The following B3GALT1 variants were observed in gnomAD, a reference collection of about 807,000 sequenced individuals.
B3GALT1 encodes beta-1,3-galactosyltransferase 1.
A neutral mutation model predicts 23.2 loss-of-function variants in B3GALT1; 10 were observed. That is an observed-to-expected ratio of 0.43 (90% CI 0.27 to 0.73). The LOEUF is 0.73. Among genes scored for constraint, B3GALT1 ranks in the 30% least tolerant of loss-of-function variants. B3GALT1 has a pLI of 0.21. For missense variants in B3GALT1, 299 were observed against 405.4 expected (o/e 0.74, Z 2.25); for synonymous variants, 156 against 141.5 (o/e 1.10, Z -0.73).
intron 3 of B3GALT1, among the ~76,000 whole-genome samples, chr2:167,796,647 G>A (rs1030910395): frequency 6.6e-6 from 1 of 151,458 alleles, no homozygotes; most frequent in Non-Finnish European, 1.5e-5. Context: ...TATTCGGGAG[G>A]CTGAGAGGCA....
intron 1 of B3GALT1, among the ~76,000 whole-genome samples, chr2:167,350,428 T>C (rs1032132831): frequency 5.3e-5 from 8 of 152,338 alleles, no homozygotes; most frequent in Admixed American, 1.3e-4. Context: ...AAAAATGGTT[T>C]ATATATCTGA....
chr2:167,370,971 A>G (rs1697675421), intron 1 of B3GALT1, among the ~76,000 whole-genome samples: 1 of 152,214 alleles, frequency 6.6e-6, no homozygotes, highest in Non-Finnish European at 1.5e-5. Flanking sequence ...GATCAATTGC[A>G]TGAAACAATA....
At chr2:167,417,062 A>G (rs540898653) in intron 1 of B3GALT1, among the ~76,000 whole-genome samples, 1 of 152,082 alleles carries the variant, frequency 6.6e-6, no homozygotes, top group Non-Finnish European at 1.5e-5. Context: ...TGGAATGAAT[A>G]TATTTATGTG....
intron 2 of B3GALT1, among the ~76,000 whole-genome samples, chr2:167,585,681 T>C (rs933140554): frequency 6.6e-6 from 1 of 152,200 alleles, no homozygotes; most frequent in African/African-American, 2.4e-5. Context: ...CTTCTAAATT[T>C]ATACCCAATA....
At chr2:167,422,911 T>TA (rs1428922640) in intron 1 of B3GALT1, among the ~76,000 whole-genome samples, 1 of 152,042 alleles carries the variant, frequency 6.6e-6, no homozygotes, top group African/African-American at 2.4e-5. Flanking sequence ...GAGGATATCA[T>TA]GGGGTGAACT....
intron 1 of B3GALT1, among the ~76,000 whole-genome samples, chr2:167,354,998 C>T (rs1400193966): frequency 6.6e-6 from 1 of 152,198 alleles, no homozygotes; most frequent in African/African-American, 2.4e-5. Context: ...TCTTCCTCTT[C>T]CTCAAATATC....
Position 167,459,439 on chromosome 2 carries a change from A to G in B3GALT1, c.-510-30738A>G, listed in dbSNP as rs142845901. Among the ~76,000 whole-genome samples, 111 of 152,302 alleles carry G rather than the reference A, an allele frequency of 7.3e-4. 1 individual carries two copies. The East Asian group carries it at 0.018, about 24-fold the overall frequency. The stretch of plus-strand genomic sequence containing the variant: ...CTTTTCCTGTTGTTGATGTCATAAA[A>G]TTACATCTTTGCATGTTTCCTGCCC... On this transcript the variant is annotated intron_variant, in intron 1 of 4. Coordinates refer to ENST00000392690, the MANE Select transcript of B3GALT1 (RefSeq NM_020981.4).
intron 1 of B3GALT1, among the ~76,000 whole-genome samples, chr2:167,319,665 A>G (rs901598989): frequency 3.9e-5 from 6 of 152,150 alleles, no homozygotes; most frequent in Admixed American, 6.5e-5. Flanking sequence ...ACTCAAAAGA[A>G]GAAACATTTT....
intron 3 of B3GALT1, among the ~76,000 whole-genome samples, chr2:167,804,497 GC>G (rs1688708504): frequency 6.6e-6 from 1 of 151,820 alleles, no homozygotes; most frequent in African/African-American, 2.4e-5. Context: ...CCCAAAACAG[GC>G]CCCAGTGTGT....
intron 3 of B3GALT1, among the ~76,000 whole-genome samples, chr2:167,739,928 AAAAAAACAAAC>A (rs200353777): frequency 0.16 from 21,721 of 133,410 alleles, 2,392 homozygotes; most frequent in Non-Finnish European, 0.22. Context: ...TTGTCTCTAC[AAAAAAACAAAC>A]AAAAAAAAAA....
At chr2:167,580,310 T>C (rs914003577) in intron 2 of B3GALT1, among the ~76,000 whole-genome samples, 1 of 152,184 alleles carries the variant, frequency 6.6e-6, no homozygotes, top group African/African-American at 2.4e-5. Context: ...GCTAAAACAA[T>C]AGTAGCCTCT....
At chr2:167,660,513 A>G (rs1160420855) in intron 3 of B3GALT1, among the ~76,000 whole-genome samples, 1 of 152,130 alleles carries the variant, frequency 6.6e-6, no homozygotes, top group African/African-American at 2.4e-5. Context: ...TTAAGGTCTC[A>G]GGGGCCTGAG....
intron 2 of B3GALT1, among the ~76,000 whole-genome samples, chr2:167,640,549 T>C (rs992814547): frequency 1.4e-5 from 1 of 71,876 alleles, no homozygotes; most frequent in Non-Finnish European, 3.5e-5. Flanking sequence ...AAGTTTGATT[T>C]TTTTTTCCCC....
At chr2:167,728,328 A>G (rs1047696091) in intron 3 of B3GALT1, among the ~76,000 whole-genome samples, 1 of 152,234 alleles carries the variant, frequency 6.6e-6, no homozygotes, top group Non-Finnish European at 1.5e-5. Context: ...TGAAGGTTGC[A>G]GTGAGGTGAG....
At chr2:167,496,143 T>C (rs1699780045) in intron 2 of B3GALT1, among the ~76,000 whole-genome samples, 1 of 152,216 alleles carries the variant, frequency 6.6e-6, no homozygotes, top group Admixed American at 6.5e-5. Context: ...AAACTGACAG[T>C]AAATTATTTT....
chr2:167,756,721 GA>G (rs1380839654), intron 3 of B3GALT1, among the ~76,000 whole-genome samples: 2 of 152,172 alleles, frequency 1.3e-5, no homozygotes, highest in African/African-American at 2.4e-5. Context: ...TGCAGAGAGG[GA>G]AAAACATAAT....
intron 3 of B3GALT1, among the ~76,000 whole-genome samples, chr2:167,727,516 C>A (rs917695461): frequency 1.3e-5 from 2 of 152,156 alleles, no homozygotes; most frequent in African/African-American, 2.4e-5. Context: ...ATTCCACGTG[C>A]AAAACCCATT....
intron 1 of B3GALT1, among the ~76,000 whole-genome samples, chr2:167,362,238 T>C (rs1347787635): frequency 6.6e-6 from 1 of 152,208 alleles, no homozygotes; most frequent in Non-Finnish European, 1.5e-5. Flanking sequence ...TTGAAAACTC[T>C]TTGGACATAG....
chr2:167,499,262 A>G (rs990110197), intron 2 of B3GALT1, among the ~76,000 whole-genome samples: 1 of 152,202 alleles, frequency 6.6e-6, no homozygotes. Context: ...TATGTTTTAA[A>G]TGAAACAAAT....
Sources: gnomAD v4.1 joint callset for allele counts (sites outside exome capture counted in the v4.1 genomes callset) on GRCh38, gnomAD v4.1.1 for gene constraint, MANE v1.5 for transcripts, NCBI Gene and HGNC (gene_info 2026-07-23, HGNC 2026-07-21) for gene names.